CDH13: variants seen among roughly 807,000 people sequenced by gnomAD.
CDH13 encodes the protein cadherin-13.
A neutral mutation model predicts 63.8 loss-of-function variants in CDH13; 24 were observed. The ratio of observed to expected loss-of-function variants is 0.38; its 90% CI spans 0.27 to 0.53. The LOEUF is 0.53. Among genes scored for constraint, CDH13 ranks in the 20% least tolerant of loss-of-function variants. The probability of loss-of-function intolerance (pLI) is 0.85; values close to 1 mark genes in which losing one functional copy is unlikely to be tolerated. For synonymous variants in CDH13, 503 were observed against 355.3 expected (o/e 1.42, Z -4.67); for missense variants, 1,049 against 903.1 (o/e 1.16, Z -2.07).
chr16:82,939,142 G>C (rs543344155), intron 2 of CDH13, among the ~76,000 whole-genome samples: 2 of 152,192 alleles, frequency 1.3e-5, no homozygotes, highest in African/African-American at 4.8e-5. Flanking sequence ...GTGGTCACAA[G>C]GCTGGGTGCA....
intron 5 of CDH13, among the ~76,000 whole-genome samples, chr16:83,296,255 G>C (rs1397753158): frequency 6.6e-6 from 1 of 152,136 alleles, no homozygotes; most frequent in Non-Finnish European, 1.5e-5. Flanking sequence ...TAATTTCCCT[G>C]TGATTTAAAT....
At chr16:82,729,949 C>T (rs139307737) in intron 1 of CDH13, among the ~76,000 whole-genome samples, 1 of 152,252 alleles carries the variant, frequency 6.6e-6, no homozygotes, top group Non-Finnish European at 1.5e-5. Flanking sequence ...CCTCATGAAC[C>T]AAACTCTGCT....
rs1164234487 is a variant in CDH13 at position 82,644,439 on chromosome 16, G to T, written c.45+17302G>T. ...TACTCCTGTCTGCCCTCACTCGTGGGTTGATGATTTCTATCCTTTGTCATG... is the reference window on the plus strand; with the variant it reads ...TACTCCTGTCTGCCCTCACTCGTGGTTTGATGATTTCTATCCTTTGTCATG... On this transcript the variant is annotated intron_variant, in intron 1 of 13. Transcript: ENST00000567109. The surrounding 1 kb of genome is among the most constrained non-coding windows in gnomAD (Gnocchi z 5.7). Among the ~76,000 whole-genome samples the T allele has an allele frequency of 1.3e-5, 2 of 152,138 alleles. No individual in the cohort carries two copies. Among genetic ancestry groups the T allele is most frequent in the Admixed American group, 6.5e-5 (1 of 15,272 alleles).
At chr16:82,847,028 C>T (rs2039288016) in intron 1 of CDH13, among the ~76,000 whole-genome samples, 1 of 152,192 alleles carries the variant, frequency 6.6e-6, no homozygotes, top group African/African-American at 2.4e-5. Flanking sequence ...CATGACCTTC[C>T]CTTATTCTCC....
chr16:83,158,928 C>T (rs180988513), intron 4 of CDH13, among the ~76,000 whole-genome samples: 8 of 152,320 alleles, frequency 5.3e-5, no homozygotes, highest in African/African-American at 1.9e-4. Flanking sequence ...CTAAATAACA[C>T]TGTTCTCAGG....
intron 1 of CDH13, among the ~76,000 whole-genome samples, chr16:82,777,206 C>G (rs76537494): frequency 0.045 from 6,889 of 152,262 alleles, 217 homozygotes; most frequent in Non-Finnish European, 0.069. Context: ...TGGCCTCAAG[C>G]AATCCTCTCG....
intron 6 of CDH13, among the ~76,000 whole-genome samples, chr16:83,393,371 TATG>T (rs1360424945): frequency 6.6e-6 from 1 of 152,190 alleles, no homozygotes; most frequent in East Asian, 1.9e-4. Flanking sequence ...CATGCTTGTT[TATG>T]ATGATGGATG....
At chr16:83,631,472 A>G (rs1170836670) in intron 8 of CDH13, among the ~76,000 whole-genome samples, 4 of 151,960 alleles carry the variant, frequency 2.6e-5, no homozygotes, top group African/African-American at 9.7e-5. Flanking sequence ...TCTTTTTCTC[A>G]TGTAATGTTT....
At chr16:82,663,948 C>A (rs1398563838) in intron 1 of CDH13, among the ~76,000 whole-genome samples, 1 of 152,212 alleles carries the variant, frequency 6.6e-6, no homozygotes, top group Non-Finnish European at 1.5e-5. Flanking sequence ...GACAGGCATT[C>A]CACTCTGAGG....
chr16:83,032,455 C>T (rs575393313), intron 3 of CDH13: 147 of 510,624 alleles, frequency 2.9e-4, no homozygotes, highest in Non-Finnish European at 1.2e-4. Flanking sequence ...TTTAGGGATA[C>T]TTCTGCCTTC....
chr16:83,312,385 G>T (rs1265967247), intron 5 of CDH13, among the ~76,000 whole-genome samples: 1 of 152,176 alleles, frequency 6.6e-6, no homozygotes, highest in Non-Finnish European at 1.5e-5. Flanking sequence ...CTGACAGCTG[G>T]GTCTCAGAAA....
chr16:83,115,150 C>T (rs147224986), intron 3 of CDH13, among the ~76,000 whole-genome samples: 2 of 152,158 alleles, frequency 1.3e-5, no homozygotes, highest in Non-Finnish European at 2.9e-5. Context: ...AGCAGCAACC[C>T]TGGGGAGGTT....
intron 7 of CDH13, among the ~76,000 whole-genome samples, chr16:83,576,209 C>G (rs1295791452): frequency 1.3e-5 from 2 of 152,224 alleles, no homozygotes; most frequent in Non-Finnish European, 2.9e-5. Context: ...TCCTTTCTGT[C>G]TCTATGGATT....
At chr16:83,663,909 C>T (rs921205527) in intron 8 of CDH13, among the ~76,000 whole-genome samples, 1 of 151,572 alleles carries the variant, frequency 6.6e-6, no homozygotes. Context: ...CCTGTAATGC[C>T]AGCAACTTGG....
intron 2 of CDH13, among the ~76,000 whole-genome samples, chr16:82,955,803 C>G (rs777231367): frequency 7.9e-5 from 12 of 152,318 alleles, no homozygotes; most frequent in East Asian, 1.9e-4. Context: ...AAGGCAAGCT[C>G]TGCTCTAAAA....
intron 1 of CDH13, among the ~76,000 whole-genome samples, chr16:82,633,703 T>C: frequency 6.6e-6 from 1 of 152,188 alleles, no homozygotes; most frequent in East Asian, 1.9e-4. Flanking sequence ...TAGGACACTG[T>C]CACATCCTAG....
chr16:83,479,971 C>G (rs1337760147), intron 6 of CDH13, among the ~76,000 whole-genome samples: 1 of 152,150 alleles, frequency 6.6e-6, no homozygotes, highest in African/African-American at 2.4e-5. Flanking sequence ...ACAAGAGGCT[C>G]AGAGAGCATT....
intron 2 of CDH13, among the ~76,000 whole-genome samples, chr16:82,947,499 G>T (rs976697340): frequency 1.3e-5 from 2 of 152,000 alleles, no homozygotes; most frequent in Admixed American, 1.3e-4. Flanking sequence ...TGATGTTTCG[G>T]TTTTTCCATT....
intron 10 of CDH13, among the ~76,000 whole-genome samples, chr16:83,692,120 T>C (rs1904961222): frequency 6.6e-6 from 1 of 152,240 alleles, no homozygotes; most frequent in African/African-American, 2.4e-5. Context: ...CAGAGAAGCG[T>C]GCCCTGTGTG....
Sources: allele counts gnomAD v4.1 joint callset (sites outside exome capture counted in the v4.1 genomes callset), GRCh38; gene constraint gnomAD v4.1.1; non-coding constraint Gnocchi (gnomAD v3.1); transcripts MANE v1.5; gene names NCBI Gene and HGNC (gene_info 2026-07-23, HGNC 2026-07-21).